Variants in PPA2 observed in about 807,000 individuals in gnomAD.
PPA2 encodes the protein inorganic pyrophosphatase 2.
A neutral mutation model predicts 49.5 loss-of-function variants in PPA2; 48 were observed. The ratio of observed to expected loss-of-function variants is 0.97; its 90% confidence interval spans 0.77 to 1.23. The LOEUF (loss-of-function observed/expected upper bound fraction) is 1.23, where lower values mean the gene tolerates loss of function less well. Among genes scored for constraint, PPA2 ranks in the 50% most tolerant of loss-of-function variants. The pLI is 0.00. For missense variants in PPA2, 429 were observed against 410.1 expected, an observed-to-expected ratio of 1.05 and a Z score of -0.40; for synonymous variants, 131 against 139.9, an observed-to-expected ratio of 0.94 and a Z score of 0.45.
intron 7 of PPA2, chr4:105,399,428 G>T: frequency 7.6e-6 from 2 of 264,710 alleles, no homozygotes; most frequent in Non-Finnish European, 1.4e-5. Flanking sequence ...GGGAATAAAT[G>T]GATGGATACA....
chr4:105,442,684 C>A (rs563520247), intron 5 of PPA2, among the ~76,000 whole-genome samples: 1 of 152,190 alleles, frequency 6.6e-6, no homozygotes, highest in African/African-American at 2.4e-5. Flanking sequence ...ATTAGGAGTG[C>A]GGGAGATGCT....
intron 7 of PPA2, among the ~76,000 whole-genome samples, chr4:105,418,269 T>C (rs189346234): frequency 2.0e-5 from 3 of 152,318 alleles, no homozygotes; most frequent in African/African-American, 7.2e-5. Flanking sequence ...CTATTCTTTT[T>C]ATTCCCCTAA....
chr4:105,456,643 G>T, intron 2 of PPA2, 38 bp downstream of exon 2: 2 of 1,495,542 alleles, frequency 1.3e-6, no homozygotes, highest in Non-Finnish European at 1.8e-6. Flanking sequence ...GATACTGGCA[G>T]TACACGTTTT....
intron 9 of PPA2, among the ~76,000 whole-genome samples, chr4:105,394,800 C>T (rs1231274302): frequency 1.3e-5 from 2 of 152,098 alleles, no homozygotes; most frequent in Non-Finnish European, 2.9e-5. Context: ...ACACTCAAGT[C>T]TCATCAAAGA....
intron 7 of PPA2, among the ~76,000 whole-genome samples, chr4:105,409,771 T>TA (rs575982147): frequency 1.2e-3 from 188 of 152,292 alleles, no homozygotes; most frequent in African/African-American, 4.5e-3. Context: ...CCCAGGCGAA[T>TA]AGGGTCTGGA....
rs556702167 is a variant in PPA2 at position 105,425,373 on chromosome 4, AAC to A, written c.529-1053_529-1052del. On this transcript the variant is annotated intron_variant, in intron 6 of 11. Coordinates refer to ENST00000341695, the MANE Select transcript of PPA2 (RefSeq NM_176869.3). ...GACAATATGGAAGAGAGAAATAGAAAACAAAAAAAACCAAATAGAACTTTAAG... is the reference window on the plus strand; with the variant it reads ...GACAATATGGAAGAGAGAAATAGAAAAAAAAAAACCAAATAGAACTTTAAG... 3.0e-3 allele frequency among the ~76,000 whole-genome samples: 462 copies of A among 152,268 alleles called. 2 individuals are homozygous for A. Among genetic ancestry groups the A allele is most frequent in the African/African-American group, 0.01 (435 of 41,560 alleles).
intron 10 of PPA2, among the ~76,000 whole-genome samples, chr4:105,372,544 T>C (rs1733068789): frequency 6.6e-6 from 1 of 152,210 alleles, no homozygotes; most frequent in South Asian, 2.1e-4. Context: ...TTACCCTCCA[T>C]AATGTTGGTA....
intron 1 of PPA2, among the ~76,000 whole-genome samples, chr4:105,466,845 G>T (rs779936512): frequency 6.6e-6 from 1 of 152,154 alleles, no homozygotes; most frequent in African/African-American, 2.4e-5. Flanking sequence ...CATGTGCAAC[G>T]TGTTTACTGG....
intron 1 of PPA2, among the ~76,000 whole-genome samples, chr4:105,457,556 A>G (rs955906820): frequency 6.6e-6 from 1 of 152,184 alleles, no homozygotes; most frequent in Non-Finnish European, 1.5e-5. Flanking sequence ...GCTAAATCCC[A>G]ATAGCAATGA....
At chr4:105,406,211 CAAAA>C (rs145974350) in intron 7 of PPA2, among the ~76,000 whole-genome samples, 1 of 136,566 alleles carries the variant, frequency 7.3e-6, no homozygotes, top group Non-Finnish European at 1.6e-5. Flanking sequence ...AACAAAAAAA[CAAAA>C]AAACAGGGAA....
chr4:105,458,546 C>A (rs1314265848), intron 1 of PPA2, among the ~76,000 whole-genome samples: 1 of 152,004 alleles, frequency 6.6e-6, no homozygotes, highest in African/African-American at 2.4e-5. Context: ...GAGGCATGGC[C>A]GGGCACGATG....
chr4:105,402,938 G>T (rs994228377), intron 7 of PPA2, among the ~76,000 whole-genome samples: 4 of 152,064 alleles, frequency 2.6e-5, no homozygotes, highest in Non-Finnish European at 4.4e-5. Flanking sequence ...GTAAAGATGA[G>T]ATGTACATGA....
chr4:105,414,794 G>A (rs2726470), intron 7 of PPA2, among the ~76,000 whole-genome samples: 40,356 of 152,028 alleles, frequency 0.27, 6,210 homozygotes, highest in Non-Finnish European at 0.34. Flanking sequence ...TCGCCATTTG[G>A]GTGTTCCCGA....
At chr4:105,461,161 T>C (rs1723073949) in intron 1 of PPA2, among the ~76,000 whole-genome samples, 1 of 38,924 alleles carries the variant, frequency 2.6e-5, no homozygotes, top group Non-Finnish European at 5.1e-5. Flanking sequence ...TTCATAAAAA[T>C]GGCAACTGAA....
At chr4:105,449,143 G>T (rs1173618225) in intron 4 of PPA2, among the ~76,000 whole-genome samples, 3 of 127,734 alleles carry the variant, frequency 2.3e-5, no homozygotes, top group Non-Finnish European at 3.1e-5. Context: ...CGTGAACCCG[G>T]GAGGCGGAGC....
At chr4:105,440,452 G>A (rs1204542147) in intron 5 of PPA2, among the ~76,000 whole-genome samples, 1 of 151,828 alleles carries the variant, frequency 6.6e-6, no homozygotes, top group Non-Finnish European at 1.5e-5. Flanking sequence ...TAGTATAGAC[G>A]GGTTTTCACC....
intron 5 of PPA2, among the ~76,000 whole-genome samples, chr4:105,440,324 C>G (rs982677916): frequency 1.4e-5 from 1 of 69,862 alleles, no homozygotes; most frequent in African/African-American, 3.1e-5. Context: ...TGCAGTGGCA[C>G]GATCTTGGCT....
At chr4:105,410,296 G>A (rs557876367) in intron 7 of PPA2, among the ~76,000 whole-genome samples, 1 of 152,224 alleles carries the variant, frequency 6.6e-6, no homozygotes, top group Admixed American at 6.5e-5. Flanking sequence ...ATTTGATGAA[G>A]TGGAAGAAAG....
intron 1 of PPA2, among the ~76,000 whole-genome samples, chr4:105,462,806 A>T (rs988257566): frequency 6.6e-6 from 1 of 152,162 alleles, no homozygotes; most frequent in South Asian, 2.1e-4. Flanking sequence ...ACAAGATCTG[A>T]TGATTACAGA....
Sources: gnomAD v4.1 joint callset for allele counts (sites outside exome capture counted in the v4.1 genomes callset) on GRCh38, gnomAD v4.1.1 for gene constraint, MANE v1.5 for transcripts, NCBI Gene and HGNC (gene_info 2026-07-23, HGNC 2026-07-21) for gene names.